The following KLHDC1 variants were observed in gnomAD, a reference collection of about 807,000 sequenced individuals.
KLHDC1 encodes the protein kelch domain containing 1.
A neutral mutation model predicts 68.3 loss-of-function variants in KLHDC1; 53 were observed. The ratio of observed to expected loss-of-function variants is 0.78; its 90% confidence interval spans 0.62 to 0.98. The LOEUF is 0.98. KLHDC1 is among the 50% of genes least tolerant of loss of function. The pLI is 0.00. For synonymous variants in KLHDC1, 148 were observed against 159.0 expected, an observed-to-expected ratio of 0.93 and a Z score of 0.52; for missense variants, 470 against 492.3, an observed-to-expected ratio of 0.95 and a Z score of 0.43.
chr14:49,700,680 A>G (rs1887880028), intron 1 of KLHDC1, among the ~76,000 whole-genome samples: 1 of 152,248 alleles, frequency 6.6e-6, no homozygotes, highest in African/African-American at 2.4e-5. Flanking sequence ...ATGTTTGAAA[A>G]GAATGAAGGT....
chr14:49,720,581 T>C (rs897971290), intron 4 of KLHDC1, among the ~76,000 whole-genome samples: 1 of 152,098 alleles, frequency 6.6e-6, no homozygotes, highest in Non-Finnish European at 1.5e-5. Flanking sequence ...ACTTGGAGTG[T>C]GCTGAGCTTC....
chr14:49,741,147 T>G (rs1889055190), intron 11 of KLHDC1, among the ~76,000 whole-genome samples: 1 of 152,134 alleles, frequency 6.6e-6, no homozygotes, highest in Non-Finnish European at 1.5e-5. Context: ...ATATTAATAA[T>G]GTAGATGCTA....
chr14:49,716,254 C>A (rs1202296614), intron 4 of KLHDC1, among the ~76,000 whole-genome samples: 1 of 152,114 alleles, frequency 6.6e-6, no homozygotes, highest in African/African-American at 2.4e-5. Context: ...GGTTAATCTA[C>A]CCTGTAAAGT....
intron 5 of KLHDC1, chr14:49,725,485 A>G: frequency 2.3e-6 from 1 of 434,924 alleles, no homozygotes. Flanking sequence ...ATGAGAAGAA[A>G]AGTTGCCAGG....
chr14:49,730,732 G>A (rs1467028388), intron 8 of KLHDC1, among the ~76,000 whole-genome samples: 2 of 152,114 alleles, frequency 1.3e-5, no homozygotes, highest in Non-Finnish European at 2.9e-5. Context: ...CAGCACTTTG[G>A]GAAACCGAGG....
At chr14:49,748,694 A>G (rs1197814870) in intron 12 of KLHDC1, among the ~76,000 whole-genome samples, 2 of 152,102 alleles carry the variant, frequency 1.3e-5, no homozygotes, top group Non-Finnish European at 2.9e-5. Context: ...ATATAGTAAA[A>G]AAATCACCTA....
chr14:49,740,142 T>C lies in KLHDC1; in HGVS notation c.941T>C (p.Val314Ala), dbSNP rs749753363. Residue 314 changes from valine to alanine, a missense_variant, in exon 11 of 13, where the codon GTA (valine) becomes GCA (alanine). By Grantham distance (64) the Val-to-Ala change is moderately conservative. Coordinates refer to ENST00000359332, the MANE Select transcript of KLHDC1 (RefSeq NM_172193.3). The part of the protein sequence containing the change: ...ACLGKENEIM[V>A]FGGSKDDLLA... ...TTGGGAAAAGAAAATGAAATAATGG[T>C]ATTTGGTGGGAGCAAAGATGACTTA... 2 of 1,611,866 alleles carry C rather than the reference T, an allele frequency of 1.2e-6. No individual in the cohort carries two copies. The highest frequency in any genetic ancestry group is 3.3e-5 in the Admixed American group (2 of 59,858).
intron 4 of KLHDC1, among the ~76,000 whole-genome samples, chr14:49,720,829 A>G (rs1362270395): frequency 1.3e-5 from 2 of 151,962 alleles, no homozygotes; most frequent in Admixed American, 6.6e-5. Flanking sequence ...AAGTTTACTG[A>G]TGTTTTCCAT....
At chr14:49,725,576 C>T (rs969028852) in intron 5 of KLHDC1, 110 bp from the exon 6 acceptor site, 6 of 670,592 alleles carry the variant, frequency 8.9e-6, no homozygotes, top group Non-Finnish European at 1.3e-5. Flanking sequence ...TAACACTTAA[C>T]TCTATTTTTG....
intron 3 of KLHDC1, among the ~76,000 whole-genome samples, chr14:49,710,052 G>C (rs866477812): frequency 5.9e-5 from 9 of 152,046 alleles, no homozygotes; most frequent in African/African-American, 2.2e-4. Flanking sequence ...CATAGGATAA[G>C]AGCAGGATGT....
At chr14:49,718,275 T>A (rs554242760) in intron 4 of KLHDC1, among the ~76,000 whole-genome samples, 1 of 152,148 alleles carries the variant, frequency 6.6e-6, no homozygotes, top group Non-Finnish European at 1.5e-5. Context: ...TTCTGGTGGT[T>A]TTGTTGTTGT....
intron 1 of KLHDC1, among the ~76,000 whole-genome samples, chr14:49,693,927 A>G (rs1186374194): frequency 6.7e-6 from 1 of 149,978 alleles, no homozygotes; most frequent in Non-Finnish European, 1.5e-5. Context: ...CTAATTTTGT[A>G]TTTTTAATAG....
At chr14:49,703,217 T>C (rs540204855) in intron 1 of KLHDC1, among the ~76,000 whole-genome samples, 1 of 152,134 alleles carries the variant, frequency 6.6e-6, no homozygotes, top group African/African-American at 2.4e-5. Context: ...ATTACATTGC[T>C]CCCACTACCC....
chr14:49,730,379 G>A (rs368200405), intron 8 of KLHDC1, among the ~76,000 whole-genome samples: 52 of 151,816 alleles, frequency 3.4e-4, no homozygotes, highest in African/African-American at 1.1e-3. Context: ...GCACCACCAC[G>A]CCCAGCTAAT....
At chr14:49,743,116 G>A (rs1253034706) in intron 11 of KLHDC1, among the ~76,000 whole-genome samples, 1 of 149,104 alleles carries the variant, frequency 6.7e-6, no homozygotes, top group Non-Finnish European at 1.5e-5. Flanking sequence ...CCACTACTGG[G>A]CTGGGTGCGG....
At chr14:49,735,107 T>C (rs1392665810) in intron 10 of KLHDC1, among the ~76,000 whole-genome samples, 2 of 152,074 alleles carry the variant, frequency 1.3e-5, no homozygotes, top group Non-Finnish European at 1.5e-5. Flanking sequence ...TTATTATTAA[T>C]CTCTGTTAAC....
intron 6 of KLHDC1, among the ~76,000 whole-genome samples, chr14:49,726,625 C>G (rs1357752518): frequency 6.6e-6 from 1 of 152,136 alleles, no homozygotes; most frequent in East Asian, 1.9e-4. Context: ...ACAAAAAATA[C>G]ATTATCAGTA....
chr14:49,709,199 T>C lies in KLHDC1; in HGVS notation c.137T>C (p.Ile46Thr). The change falls in exon 2 of 13, where the codon ATT (isoleucine) becomes ACT (threonine). Residue 46 changes from isoleucine (I) to threonine (T), a missense_variant. By Grantham distance (89) the Ile-to-Thr change is moderately conservative. Coordinates refer to ENST00000359332, the MANE Select transcript of KLHDC1 (RefSeq NM_172193.3). ...DNEVYLPNDE[I>T]WTYDIDSGLW... is the part of the protein sequence containing the mutation. ...GAAGTATATTTGCCTAATGATGAAA[T>C]TTGGACCTATGATATTGATAGTGGG... The C allele has an allele frequency of 7.3e-7, 1 of 1,377,604 alleles. No homozygotes were observed. Among genetic ancestry groups the C allele is most frequent in the Non-Finnish European group, 1.0e-6 (1 of 981,498 alleles). The allele number at this position is 1,377,604 out of a possible 1,614,324, so 85.3% of individuals were successfully genotyped here.
chr14:49,733,625 G>A (rs1275798689), intron 9 of KLHDC1, among the ~76,000 whole-genome samples: 2 of 151,882 alleles, frequency 1.3e-5, no homozygotes, highest in African/African-American at 4.8e-5. Flanking sequence ...GTTTCACCAT[G>A]TTGGCCAGGC....
Sources: gnomAD v4.1 joint callset for allele counts (sites outside exome capture counted in the v4.1 genomes callset) on GRCh38, gnomAD v4.1.1 for gene constraint, MANE v1.5 for transcripts, NCBI Gene and HGNC (gene_info 2026-07-23, HGNC 2026-07-21) for gene names.